The following DGKB variants were observed in gnomAD, a reference collection of about 807,000 sequenced individuals.
DGKB encodes the protein diacylglycerol kinase beta, also known as 90 kDa diacylglycerol kinase.
DGKB carries 67 observed loss-of-function variants against 114.3 expected under a neutral mutation model. The ratio of observed to expected loss-of-function variants is 0.59; its 90% CI spans 0.48 to 0.72. DGKB has a LOEUF of 0.72. Ranked by LOEUF, DGKB falls within the 30% of genes least tolerant of loss-of-function variation. DGKB has a pLI of 0.00. For missense variants in DGKB, 907 were observed against 975.2 expected (o/e 0.93, Z 0.93); for synonymous variants, 398 against 323.1 (o/e 1.23, Z -2.49).
At chr7:14,241,986 AC>A (rs1793746518) in intron 23 of DGKB, among the ~76,000 whole-genome samples, 3 of 151,274 alleles carry the variant, frequency 2.0e-5, no homozygotes, top group African/African-American at 7.3e-5. Context: ...ACACACACAC[AC>A]ATATATATAT....
chr7:14,908,089 T>A (rs1298886019), upstream of DGKB, among the ~76,000 whole-genome samples: 1 of 152,208 alleles, frequency 6.6e-6, no homozygotes, highest in Non-Finnish European at 1.5e-5. Flanking sequence ...GAGTAAACTA[T>A]AATTGATTTA....
At chr7:14,443,100 G>T (rs1305833431) in intron 21 of DGKB, among the ~76,000 whole-genome samples, 1 of 152,030 alleles carries the variant, frequency 6.6e-6, no homozygotes, top group East Asian at 1.9e-4. Context: ...TGTTGGATGT[G>T]TACTTATTTT....
intron 20 of DGKB, among the ~76,000 whole-genome samples, chr7:14,532,136 G>A (rs1295960367): frequency 1.3e-5 from 2 of 150,838 alleles, no homozygotes; most frequent in Non-Finnish European, 3.0e-5. Flanking sequence ...AATTCTTCAC[G>A]ACCTTTGGGT....
intron 21 of DGKB, among the ~76,000 whole-genome samples, chr7:14,415,158 C>G (rs1270622522): frequency 6.6e-6 from 1 of 151,254 alleles, no homozygotes; most frequent in Non-Finnish European, 1.5e-5. Flanking sequence ...ATTTCTATTC[C>G]TTTTTGGAAT....
At chr7:14,455,187 T>A (rs979368343) in intron 21 of DGKB, among the ~76,000 whole-genome samples, 2 of 152,034 alleles carry the variant, frequency 1.3e-5, no homozygotes, top group African/African-American at 4.8e-5. Context: ...AGCAGTGAAG[T>A]TAAAAATCAC....
intron 20 of DGKB, among the ~76,000 whole-genome samples, chr7:14,553,362 T>C (rs1795386675): frequency 6.6e-6 from 1 of 152,204 alleles, no homozygotes; most frequent in African/African-American, 2.4e-5. Flanking sequence ...TGTTCTCCAA[T>C]ACTAATTCCG....
intron 2 of DGKB, among the ~76,000 whole-genome samples, chr7:14,798,136 G>C (rs956979802): frequency 3.9e-5 from 6 of 152,106 alleles, no homozygotes; most frequent in Admixed American, 1.3e-4. Flanking sequence ...ATTCAGAAGG[G>C]AGCAATCAAG....
intron 6 of DGKB, among the ~76,000 whole-genome samples, chr7:14,702,540 AG>A (rs750652088): frequency 3.7e-4 from 56 of 152,158 alleles, no homozygotes; most frequent in Admixed American, 2.1e-3. Context: ...GATGGGCCTG[AG>A]GATTCCCTTG....
intron 21 of DGKB, among the ~76,000 whole-genome samples, chr7:14,373,898 C>G (rs1370675707): frequency 6.6e-6 from 1 of 152,062 alleles, no homozygotes; most frequent in Non-Finnish European, 1.5e-5. Flanking sequence ...CCTTTACACC[C>G]AACCAGTCCG....
intron 20 of DGKB, among the ~76,000 whole-genome samples, chr7:14,549,571 A>G (rs1794813161): frequency 2.6e-5 from 4 of 152,206 alleles, no homozygotes; most frequent in Admixed American, 2.6e-4. Flanking sequence ...TTCAGTATTC[A>G]AAACCCATTT....
intron 20 of DGKB, among the ~76,000 whole-genome samples, chr7:14,560,010 G>C (rs368497920): frequency 7.0e-6 from 1 of 142,826 alleles, no homozygotes; most frequent in Non-Finnish European, 1.5e-5. Flanking sequence ...TTTCATTTAA[G>C]TGTGGAGAAA....
At chr7:14,495,465 G>A (rs1233181338) in intron 20 of DGKB, among the ~76,000 whole-genome samples, 2 of 151,696 alleles carry the variant, frequency 1.3e-5, no homozygotes, top group African/African-American at 4.8e-5. Flanking sequence ...GAAGTTTTCA[G>A]GCTTATAGTC....
At chr7:14,201,635 A>G (rs919153543) in intron 23 of DGKB, among the ~76,000 whole-genome samples, 3 of 151,960 alleles carry the variant, frequency 2.0e-5, no homozygotes, top group Non-Finnish European at 1.5e-5. Context: ...CTGGGGGAAA[A>G]GCAAGTAGGA....
At chr7:14,640,365 TAATC>T (rs920365655) in intron 13 of DGKB, among the ~76,000 whole-genome samples, 3 of 152,146 alleles carry the variant, frequency 2.0e-5, no homozygotes, top group African/African-American at 7.2e-5. Context: ...GAAGAAATGA[TAATC>T]AAAGGAAGTA....
intron 1 of DGKB, among the ~76,000 whole-genome samples, chr7:14,884,524 A>T (rs1384356204): frequency 6.6e-6 from 1 of 151,950 alleles, no homozygotes; most frequent in African/African-American, 2.4e-5. Context: ...CTTCCCAAAC[A>T]TGGAGATAAA....
intron 20 of DGKB, among the ~76,000 whole-genome samples, chr7:14,483,670 G>C (rs976278653): frequency 2.6e-5 from 4 of 152,060 alleles, no homozygotes; most frequent in Non-Finnish European, 4.4e-5. Context: ...TAATAATTTG[G>C]TGATGAGAAG....
At chr7:14,654,345 T>A (rs1426105393) in intron 13 of DGKB, among the ~76,000 whole-genome samples, 1 of 151,862 alleles carries the variant, frequency 6.6e-6, no homozygotes, top group Non-Finnish European at 1.5e-5. Flanking sequence ...AGGTAAATAA[T>A]CTCTACAATT....
chr7:14,821,478 G>C (rs2128102948), intron 2 of DGKB, among the ~76,000 whole-genome samples: 1 of 152,278 alleles, frequency 6.6e-6, no homozygotes, highest in African/African-American at 2.4e-5. Flanking sequence ...AGGTCTCATA[G>C]AGGGGCTGGC....
chr7:14,839,840 T>C (rs989873952), intron 2 of DGKB, among the ~76,000 whole-genome samples: 4 of 152,068 alleles, frequency 2.6e-5, no homozygotes, highest in African/African-American at 9.7e-5. Context: ...TTTTAGTTTT[T>C]TAAAATGCCT....
Sources: allele counts gnomAD v4.1 joint callset (sites outside exome capture counted in the v4.1 genomes callset), GRCh38; gene constraint gnomAD v4.1.1; transcripts MANE v1.5; gene names NCBI Gene and HGNC (gene_info 2026-07-23, HGNC 2026-07-21).